Variants in CD36 observed in about 807,000 individuals in gnomAD.
CD36 encodes the protein platelet glycoprotein 4.
Under a neutral mutation model 55.2 loss-of-function variants are expected in CD36, and 119 were observed. The ratio of observed to expected loss-of-function variants is 2.15; its 90% CI spans 1.86 to 2.51. CD36 has a LOEUF of 2.51. Ranked by LOEUF, CD36 falls within the 30% of genes most tolerant of loss-of-function variation. The pLI is 0.00. For synonymous variants in CD36, 186 were observed against 193.6 expected, an observed-to-expected ratio of 0.96 and a Z score of 0.33; for missense variants, 819 against 555.5, an observed-to-expected ratio of 1.47 and a Z score of -4.77.
chr7:80,670,175 A>G (rs1375099633), intron 9 of CD36, 153 bp downstream of exon 9: 1 of 633,694 alleles, frequency 1.6e-6, no homozygotes, highest in Non-Finnish European at 2.8e-6. Flanking sequence ...TTTTAATAGT[A>G]CAAATTTTTT....
Position 80,673,189 on chromosome 7 carries a change from A to G in CD36, c.1200-166A>G, listed in dbSNP as rs375671244. On this transcript the variant is annotated intron_variant, in intron 12 of 14. Coordinates refer to ENST00000447544, the MANE Select transcript of CD36 (RefSeq NM_001001548.3). The stretch of plus-strand genomic sequence containing the variant: ...AAAAATCAATGTGATTAGAAGACAT[A>G]TAAGAGCAAAGGAAGTCAAAAACAA... 9.4e-5 allele frequency: 50 copies of G among 534,698 alleles called. 1 individual carries two copies. Among genetic ancestry groups the G allele is most frequent in the East Asian group, 3.0e-4 (10 of 33,154 alleles). The allele number at this position is 534,698 out of a possible 1,614,324, so 33.1% of individuals were successfully genotyped here.
intron 7 of CD36, 160 bp from the exon 8 acceptor site, chr7:80,666,283 C>T (rs1639259534): frequency 1.3e-5 from 8 of 629,762 alleles, no homozygotes; most frequent in Non-Finnish European, 2.0e-5. Flanking sequence ...ATAAAAGGTT[C>T]AAACAAAACA....
intron 3 of CD36, 186 bp downstream of exon 3, chr7:80,647,046 T>C (rs2116408879): frequency 1.7e-6 from 1 of 589,720 alleles, no homozygotes; most frequent in South Asian, 1.9e-5. Flanking sequence ...AAGTATAATG[T>C]ATATTTAACA....
intron 3 of CD36, among the ~76,000 whole-genome samples, chr7:80,653,639 C>T (rs3211846): frequency 1.4e-4 from 22 of 152,108 alleles, no homozygotes; most frequent in African/African-American, 5.3e-4. Context: ...TACATACTTA[C>T]CAGCTTTGTA....
In CD36 at chr7:80,671,994, T is replaced by C. The variant is rs56381858; in HGVS notation, c.1079T>C (p.Leu360Ser). 6.2e-7 allele frequency: 1 copy of C among 1,608,760 alleles called. No homozygotes were observed. The highest frequency in any genetic ancestry group is 8.5e-7 in the Non-Finnish European group (1 of 1,175,790). The change falls in exon 11 of 15, where the codon TTA (leucine) becomes TCA (serine). Residue 360 changes from leucine to serine, a missense_variant. Physicochemically the swap from Leu to Ser is moderately radical, Grantham distance 145. Transcript: ENST00000447544. ...SPDVSEPIDG[L>S]NPNEEEHRTY... Reference sequence around the variant, plus strand: ...GATGTTTCAGAACCTATTGATGGATTAAACCCAAATGAAGAAGAACATAGG... The same window carrying C: ...GATGTTTCAGAACCTATTGATGGATCAAACCCAAATGAAGAAGAACATAGG...
chr7:80,642,066 G>A (rs1794855394), intron 1 of CD36, among the ~76,000 whole-genome samples: 1 of 152,094 alleles, frequency 6.6e-6, no homozygotes, highest in South Asian at 2.1e-4. Flanking sequence ...GAAGGCAACT[G>A]AGCTGCCTAT....
At chr7:80,670,456 T>A (rs936845610) in intron 9 of CD36, 1 of 224,168 alleles carries the variant, frequency 4.5e-6, no homozygotes, top group East Asian at 1.2e-4. Flanking sequence ...GCATTTAACA[T>A]CTCTGAATTT....
At chr7:80,661,942 T>C (rs1305703627) in intron 5 of CD36, among the ~76,000 whole-genome samples, 4 of 152,146 alleles carry the variant, frequency 2.6e-5, no homozygotes, top group South Asian at 2.1e-4. Flanking sequence ...TCCAAATTCA[T>C]GGCAAATAAA....
upstream of CD36, among the ~76,000 whole-genome samples, chr7:80,635,035 G>A (rs1481071074): frequency 1.3e-5 from 2 of 151,968 alleles, no homozygotes; most frequent in Non-Finnish European, 2.9e-5. Flanking sequence ...AAGGTGAAAA[G>A]GATATTGTTA....
chr7:80,667,738 T>C (rs1214156161), intron 8 of CD36, among the ~76,000 whole-genome samples: 2 of 130,244 alleles, frequency 1.5e-5, no homozygotes, highest in Non-Finnish European at 3.3e-5. Context: ...TTTGCAGGGG[T>C]TTTCTTTTGT....
intron 1 of CD36, among the ~76,000 whole-genome samples, chr7:80,618,920 A>G (rs916050907): frequency 1.5e-4 from 23 of 152,332 alleles, no homozygotes; most frequent in African/African-American, 5.5e-4. Context: ...TAGATTTTCA[A>G]TGCAGACAAA....
At chr7:80,672,454 C>CTGAATATATATTT (rs1414539155) in intron 11 of CD36, among the ~76,000 whole-genome samples, 68 of 151,834 alleles carry the variant, frequency 4.5e-4, no homozygotes, top group African/African-American at 1.5e-3. Context: ...TGGATTCTAA[C>CTGAATATATATTT]TGAATATATA....
intron 1 of CD36, among the ~76,000 whole-genome samples, chr7:80,609,113 A>G (rs1384568132): frequency 6.6e-6 from 1 of 152,154 alleles, no homozygotes; most frequent in African/African-American, 2.4e-5. Context: ...TAAACCCACG[A>G]GAGAATGAAT....
chr7:80,638,005 T>G (rs1794542911), upstream of CD36, among the ~76,000 whole-genome samples: 1 of 151,978 alleles, frequency 6.6e-6, no homozygotes, highest in Admixed American at 6.6e-5. Flanking sequence ...AAGAGTTTAT[T>G]TTTTGTAGGA....
chr7:80,608,803 A>G (rs1009966675), intron 1 of CD36, among the ~76,000 whole-genome samples: 1 of 151,982 alleles, frequency 6.6e-6, no homozygotes, highest in Non-Finnish European at 1.5e-5. Flanking sequence ...GAGACTTACG[A>G]TTTTTTCCTC....
rs180841242 is a variant in CD36 at position 80,664,359 on chromosome 7, G to T, written c.610-47G>T. 4.9e-6 allele frequency: 5 copies of T among 1,029,108 alleles called. No homozygotes were observed. The East Asian group carries it at 1.2e-4, about 25-fold the overall frequency. 63.7% of individuals were successfully genotyped at this position (1,029,108 alleles called of 1,614,324 possible). On this transcript the variant is annotated intron_variant, in intron 6 of 14. Coordinates refer to ENST00000447544, the MANE Select transcript of CD36 (RefSeq NM_001001548.3). ...AGTGAGTTATGTATTGTACAACTTT[G>T]AAAAAATGACTTGTAGAAGTAACAT... is the stretch of plus-strand genomic sequence containing the variant.
At chr7:80,645,584 A>C (rs1409334173) in intron 1 of CD36, among the ~76,000 whole-genome samples, 1 of 152,008 alleles carries the variant, frequency 6.6e-6, no homozygotes, top group Non-Finnish European at 1.5e-5. Flanking sequence ...GTGAGCCGAG[A>C]TCGTGCCACT....
intron 14 of CD36, among the ~76,000 whole-genome samples, chr7:80,675,088 T>C (rs771407138): frequency 6.6e-6 from 1 of 152,164 alleles, no homozygotes; most frequent in Non-Finnish European, 1.5e-5. Flanking sequence ...ATGGAGAGCT[T>C]GTGTTTGAAA....
At chr7:80,674,538 G>C (rs1420625382) in intron 14 of CD36, 1 of 227,148 alleles carries the variant, frequency 4.4e-6, no homozygotes, top group Non-Finnish European at 8.8e-6. Context: ...TGCTGGCCGT[G>C]CATTTTCCAA....
Sources: gnomAD v4.1 joint callset for allele counts (sites outside exome capture counted in the v4.1 genomes callset) on GRCh38, gnomAD v4.1.1 for gene constraint, MANE v1.5 for transcripts, NCBI Gene and HGNC (gene_info 2026-07-23, HGNC 2026-07-21) for gene names.